Variants in LUZP2 observed in about 807,000 individuals in gnomAD.
LUZP2 encodes the protein leucine zipper protein 2.
Under a neutral mutation model 51.6 loss-of-function variants are expected in LUZP2, and 52 were observed. That is an observed-to-expected ratio of 1.01 (90% CI 0.81 to 1.27). LUZP2 has a LOEUF of 1.27. Ranked by LOEUF, LUZP2 falls within the 50% of genes most tolerant of loss-of-function variation. LUZP2 has a pLI of 0.00. For synonymous variants in LUZP2, 154 were observed against 137.3 expected, an observed-to-expected ratio of 1.12 and a Z score of -0.85; for missense variants, 436 against 395.4, an observed-to-expected ratio of 1.10 and a Z score of -0.87.
intron 1 of LUZP2, among the ~76,000 whole-genome samples, chr11:24,719,923 T>A (rs540750768): frequency 6.6e-6 from 1 of 152,276 alleles, no homozygotes; most frequent in South Asian, 2.1e-4. Flanking sequence ...ACCATAGAAG[T>A]AGAGTCATTG....
intron 1 of LUZP2, among the ~76,000 whole-genome samples, chr11:24,683,184 AAAGAG>A (rs2133873660): frequency 6.6e-6 from 1 of 152,324 alleles, no homozygotes; most frequent in African/African-American, 2.4e-5. Flanking sequence ...CAGGCTAGAC[AAAGAG>A]AAGTGTTGAA....
intron 5 of LUZP2, among the ~76,000 whole-genome samples, chr11:24,885,430 C>G (rs1852638873): frequency 6.6e-6 from 1 of 151,966 alleles, no homozygotes; most frequent in South Asian, 2.1e-4. Flanking sequence ...AAAACAAGGA[C>G]TCAAGATGTT....
chr11:25,076,807 A>G lies in LUZP2; in HGVS notation c.859-522A>G, dbSNP rs16913599. On this transcript the variant is annotated intron_variant, in intron 10 of 11. Coordinates refer to ENST00000336930, the MANE Select transcript of LUZP2 (RefSeq NM_001009909.4). ...ATCTTCCTTTAAACTGGTGAAGCTA[A>G]TAAGTAAGATCAGATATTCTGGCCA... 7.0e-3 allele frequency among the ~76,000 whole-genome samples: 1,053 copies of G among 149,782 alleles called. 29 individuals are homozygous for G. In the East Asian group the frequency reaches 0.091, roughly 13 times the overall value.
intron 5 of LUZP2, among the ~76,000 whole-genome samples, chr11:24,826,190 A>AAAAAATATATATATATATATATAT (rs1215786412): frequency 2.2e-4 from 15 of 67,536 alleles, no homozygotes; most frequent in African/African-American, 8.2e-4. Flanking sequence ...AAAAAAAAAA[A>AAAAAATATATATATATATATATAT]ATATATATAT....
chr11:24,877,696 TAACTATATTTTTG>T (rs1452497521), intron 5 of LUZP2, among the ~76,000 whole-genome samples: 14 of 152,164 alleles, frequency 9.2e-5, no homozygotes, highest in Non-Finnish European at 5.9e-5. Context: ...TCAGTTTTTC[TAACTATATTTTTG>T]TACTCATTAA....
intron 5 of LUZP2, among the ~76,000 whole-genome samples, chr11:24,775,109 G>A (rs942723919): frequency 6.6e-6 from 1 of 151,932 alleles, no homozygotes; most frequent in African/African-American, 2.4e-5. Context: ...CCTGGAAAGG[G>A]GGAAGATGAC....
intron 9 of LUZP2, among the ~76,000 whole-genome samples, chr11:24,984,784 G>A (rs913676422): frequency 9.9e-5 from 15 of 150,818 alleles, no homozygotes; most frequent in East Asian, 3.9e-4. Flanking sequence ...TTATAAAATC[G>A]AGATGCAGGT....
At chr11:24,991,601 G>T (rs1002093748) in intron 9 of LUZP2, among the ~76,000 whole-genome samples, 1 of 151,784 alleles carries the variant, frequency 6.6e-6, no homozygotes, top group East Asian at 1.9e-4. Flanking sequence ...GGAATTGCTG[G>T]ATCAAGTGAT....
chr11:24,816,920 C>T (rs1397162055), intron 5 of LUZP2, among the ~76,000 whole-genome samples: 1 of 151,902 alleles, frequency 6.6e-6, no homozygotes, highest in Non-Finnish European at 1.5e-5. Flanking sequence ...TTGGCCGAAA[C>T]CAAGCAAGAA....
chr11:24,852,305 G>A (rs914915122), intron 5 of LUZP2, among the ~76,000 whole-genome samples: 14 of 152,218 alleles, frequency 9.2e-5, no homozygotes, highest in Admixed American at 8.5e-4. Context: ...GGTACATTGT[G>A]TCTTTGTTCT....
At chr11:24,893,858 T>C (rs773037844) in intron 5 of LUZP2, among the ~76,000 whole-genome samples, 2 of 152,108 alleles carry the variant, frequency 1.3e-5, no homozygotes, top group Non-Finnish European at 2.9e-5. Flanking sequence ...TCCCTGCAAA[T>C]TGTTTTCCTC....
chr11:24,668,540 G>A (rs1182676698), intron 1 of LUZP2, among the ~76,000 whole-genome samples: 2 of 152,106 alleles, frequency 1.3e-5, no homozygotes, highest in African/African-American at 4.8e-5. Flanking sequence ...AAAACTTTGG[G>A]ACACTGAGCA....
rs551074999 is a variant in LUZP2, at chr11:24,635,167, A to G, written c.63-94002A>G. Among the ~76,000 whole-genome samples the G allele has an allele frequency of 6.6e-5, 10 of 151,290 alleles. No individual in the cohort carries two copies. The South Asian group carries it at 1.9e-3, about 29-fold the overall frequency. ...ACCCATGTAACAAAACTGCACTTGT[A>G]CCCTTTAAATAAATACAAATAAAAA... is the stretch of plus-strand genomic sequence containing the variant. On this transcript the variant is annotated intron_variant, in intron 1 of 11. Coordinates refer to ENST00000336930, the MANE Select transcript of LUZP2 (RefSeq NM_001009909.4).
At chr11:24,662,998 C>T (rs529227188) in intron 1 of LUZP2, among the ~76,000 whole-genome samples, 4 of 152,002 alleles carry the variant, frequency 2.6e-5, no homozygotes, top group African/African-American at 9.6e-5. Flanking sequence ...ATCATCTAAA[C>T]TAAATAAATA....
intron 10 of LUZP2, among the ~76,000 whole-genome samples, chr11:25,064,377 T>C (rs764451223): frequency 3.9e-5 from 6 of 152,124 alleles, no homozygotes; most frequent in Non-Finnish European, 8.8e-5. Context: ...ATTTCCTGTG[T>C]GATTAATTTC....
intron 1 of LUZP2, among the ~76,000 whole-genome samples, chr11:24,659,676 A>G (rs1320290152): frequency 1.3e-5 from 2 of 152,162 alleles, no homozygotes; most frequent in Non-Finnish European, 1.5e-5. Flanking sequence ...AATACATAAA[A>G]TATGCATAAG....
intron 1 of LUZP2, among the ~76,000 whole-genome samples, chr11:24,577,988 A>G (rs1395468397): frequency 6.6e-6 from 1 of 152,054 alleles, no homozygotes; most frequent in African/African-American, 2.4e-5. Flanking sequence ...AGCGTTCTGT[A>G]CTTCTTTGTT....
intron 1 of LUZP2, among the ~76,000 whole-genome samples, chr11:24,673,556 C>T (rs554043241): frequency 2.0e-5 from 3 of 152,244 alleles, no homozygotes; most frequent in South Asian, 2.1e-4. Context: ...AAGACACCTC[C>T]GTTTTCTTTT....
chr11:24,604,134 A>G (rs1024973793), intron 1 of LUZP2, among the ~76,000 whole-genome samples: 6 of 151,822 alleles, frequency 4.0e-5, no homozygotes, highest in African/African-American at 1.4e-4. Context: ...GACCACCCCC[A>G]GCATACTATA....
Sources: gnomAD v4.1 joint callset for allele counts (sites outside exome capture counted in the v4.1 genomes callset) on GRCh38, gnomAD v4.1.1 for gene constraint, MANE v1.5 for transcripts, NCBI Gene and HGNC (gene_info 2026-07-23, HGNC 2026-07-21) for gene names.